The following NFILZ variants were observed in gnomAD, a reference collection of about 807,000 sequenced individuals.
The protein encoded by NFILZ is NFIL3 like protein.
rs375991457 is a variant in NFILZ, at chr19:8,678,115, A to T, written c.*480A>T. Among the ~76,000 whole-genome samples the T allele has an allele frequency of 5.0e-5, 6 of 121,084 alleles. No individual in the cohort carries two copies. Among genetic ancestry groups the T allele is most frequent in the African/African-American group, 9.9e-5 (3 of 30,384 alleles). The allele number at this position is 121,084 out of a possible 152,430, so 79.4% of individuals were successfully genotyped here. A position where few individuals can be genotyped will look rare whatever the true frequency, so the allele number is the denominator to read the frequency against. Reference sequence around the variant, plus strand: ...ATTCCATCCATCCATCCATCCATCCATCCATCCATCCCTCCATCCATTCAT... The same window carrying T: ...ATTCCATCCATCCATCCATCCATCCTTCCATCCATCCCTCCATCCATTCAT... On this transcript the variant is annotated 3_prime_UTR_variant, in exon 6 of 6. Coordinates refer to ENST00000691075, the MANE Select transcript of NFILZ (RefSeq NM_001378600.1).
chr19:8,656,266 CT>C (rs1224977309), intron 3 of NFILZ, among the ~76,000 whole-genome samples: 1 of 147,544 alleles, frequency 6.8e-6, no homozygotes, highest in Non-Finnish European at 1.5e-5. Context: ...CCCATCTTCT[CT>C]CTGAAGCCCA....
intron 3 of NFILZ, among the ~76,000 whole-genome samples, chr19:8,645,209 C>T (rs906649361): frequency 7.9e-5 from 12 of 151,956 alleles, no homozygotes; most frequent in African/African-American, 2.9e-4. Flanking sequence ...TCATAGCTCA[C>T]TGCAGCCTCA....
chr19:8,658,224 G>A (rs983133519), intron 3 of NFILZ, among the ~76,000 whole-genome samples: 3 of 152,170 alleles, frequency 2.0e-5, no homozygotes, highest in African/African-American at 4.8e-5. Flanking sequence ...CTTCCGAGCC[G>A]GGAGCTCCTG....
chr19:8,656,478 CCCGCAGCCCACCT>C lies in NFILZ; in HGVS notation c.-163-18072_-163-18060del, dbSNP rs1161370191. Among the ~76,000 whole-genome samples, 91 of 76,038 alleles carry C rather than the reference CCCGCAGCCCACCT, an allele frequency of 1.2e-3. 10 individuals are homozygous for C. The highest frequency in any genetic ancestry group is 4.7e-3 in the African/African-American group (76 of 16,176). The allele number at this position is 76,038 out of a possible 152,430, so 49.9% of individuals were successfully genotyped here. Reference sequence around the variant, plus strand: ...ACCTTCTCTCTGAAGCCCACCTTCTCCCGCAGCCCACCTTCTCCCGCAGCCCACCTTCTCCTGC... The same window carrying C: ...ACCTTCTCTCTGAAGCCCACCTTCTCTCTCCCGCAGCCCACCTTCTCCTGC... On this transcript the variant is annotated intron_variant, in intron 3 of 5. Transcript: ENST00000691075.
intron 3 of NFILZ, among the ~76,000 whole-genome samples, chr19:8,654,681 A>G (rs997042091): frequency 2.6e-5 from 4 of 152,184 alleles, no homozygotes; most frequent in Non-Finnish European, 4.4e-5. Context: ...AAAGAAATAA[A>G]TATCTGTTGA....
intron 3 of NFILZ, among the ~76,000 whole-genome samples, chr19:8,651,334 G>T (rs922988487): frequency 1.3e-5 from 2 of 151,750 alleles, no homozygotes; most frequent in African/African-American, 4.8e-5. Flanking sequence ...GCTAATTTTT[G>T]CATTTTTAGT....
chr19:8,662,848 G>A (rs782439903), intron 3 of NFILZ, among the ~76,000 whole-genome samples: 41 of 151,784 alleles, frequency 2.7e-4, no homozygotes, highest in Non-Finnish European at 4.9e-4. Flanking sequence ...TGTTGGCCAG[G>A]TTGGTCTTCA....
intron 2 of NFILZ, among the ~76,000 whole-genome samples, chr19:8,633,311 C>T (rs551185353): frequency 2.0e-5 from 3 of 152,226 alleles, no homozygotes; most frequent in African/African-American, 7.2e-5. Context: ...TGGAAGCCAA[C>T]GCGCCCGGCC....
chr19:8,637,146 G>A (rs1555746182), intron 3 of NFILZ, among the ~76,000 whole-genome samples: 1 of 152,100 alleles, frequency 6.6e-6, no homozygotes, highest in African/African-American at 2.4e-5. Context: ...AAGGCAGAAG[G>A]ATCACTTGAG....
chr19:8,646,613 G>A (rs1600142533), intron 3 of NFILZ, among the ~76,000 whole-genome samples: 1 of 152,142 alleles, frequency 6.6e-6, no homozygotes, highest in Non-Finnish European at 1.5e-5. Context: ...AGGCCCCTGG[G>A]TTAAAGACCA....
At chr19:8,630,803 C>T (rs2042866228) in intron 1 of NFILZ, 59 bp downstream of exon 1, 1 of 152,238 alleles carries the variant, frequency 6.6e-6, no homozygotes, top group South Asian at 2.1e-4. Flanking sequence ...CATTTCTGGT[C>T]TCTGACACAG....
intron 3 of NFILZ, among the ~76,000 whole-genome samples, chr19:8,664,523 T>C (rs1482481723): frequency 6.6e-6 from 1 of 152,076 alleles, no homozygotes; most frequent in African/African-American, 2.4e-5. Flanking sequence ...GTGCCTTGCA[T>C]TTTCCCCTTG....
chr19:8,650,755 C>T (rs1352055551), intron 3 of NFILZ, among the ~76,000 whole-genome samples: 3 of 151,738 alleles, frequency 2.0e-5, no homozygotes, highest in Admixed American at 2.0e-4. Context: ...TGATTCTCTC[C>T]AGTACAGAAT....
At chr19:8,640,316 G>GTTT (rs71179871) in intron 3 of NFILZ, among the ~76,000 whole-genome samples, 7 of 124,224 alleles carry the variant, frequency 5.6e-5, no homozygotes, top group Admixed American at 1.7e-4. Context: ...TCCTGCTGTA[G>GTTT]TTTTTTTTTT....
At chr19:8,643,647 C>T (rs1413096999) in intron 3 of NFILZ, among the ~76,000 whole-genome samples, 1 of 152,140 alleles carries the variant, frequency 6.6e-6, no homozygotes, top group Non-Finnish European at 1.5e-5. Flanking sequence ...ATCTTCTACC[C>T]CTGGTGCTCC....
chr19:8,673,472 T>C (rs1474049451), intron 3 of NFILZ, among the ~76,000 whole-genome samples: 3 of 152,186 alleles, frequency 2.0e-5, no homozygotes, highest in Non-Finnish European at 4.4e-5. Context: ...GCCCATGTGA[T>C]GTGGGCAGGT....
At chr19:8,673,354 C>T (rs2043096700) in intron 3 of NFILZ, among the ~76,000 whole-genome samples, 1 of 152,136 alleles carries the variant, frequency 6.6e-6, no homozygotes, top group African/African-American at 2.4e-5. Context: ...TGTTATTAGC[C>T]TGGCTACCAG....
At chr19:8,663,722 TTGTGTGTGTGTGTGTG>T (rs879983007) in intron 3 of NFILZ, among the ~76,000 whole-genome samples, 1 of 10,798 alleles carries the variant, frequency 9.3e-5, no homozygotes, top group African/African-American at 3.1e-4. Context: ...GTGTGTGTGT[TTGTGTGTGTGTGTGTG>T]TGTGTGTGTG....
chr19:8,668,077 A>G (rs1345962828), intron 3 of NFILZ, among the ~76,000 whole-genome samples: 2 of 151,788 alleles, frequency 1.3e-5, no homozygotes, highest in Non-Finnish European at 2.9e-5. Context: ...CAGCCTCTCC[A>G]GTAGCCGGGA....
Sources: gnomAD v4.1 joint callset for allele counts (sites outside exome capture counted in the v4.1 genomes callset) on GRCh38, gnomAD v4.1.1 for gene constraint, MANE v1.5 for transcripts, NCBI Gene and HGNC (gene_info 2026-07-23, HGNC 2026-07-21) for gene names.